The following DPYSL2 variants were observed in gnomAD, a reference collection of about 807,000 sequenced individuals.
The protein encoded by DPYSL2 is dihydropyrimidinase-related protein 2.
In DPYSL2, 13 loss-of-function variants were observed where a neutral mutation model predicts 69.9. That is an observed-to-expected ratio of 0.19 (90% CI 0.12 to 0.30). DPYSL2 has a LOEUF of 0.30. Ranked by LOEUF, DPYSL2 falls within the 10% of genes least tolerant of loss-of-function variation. The pLI is 1.00. For missense variants in DPYSL2, 587 were observed against 918.9 expected (o/e 0.64, Z 4.67); for synonymous variants, 326 against 359.1 (o/e 0.91, Z 1.04).
chr8:26,628,891 G>C (rs1281496974), intron 7 of DPYSL2, among the ~76,000 whole-genome samples: 5 of 152,272 alleles, frequency 3.3e-5, no homozygotes, highest in South Asian at 4.1e-4. Flanking sequence ...CCCTGAGTTT[G>C]GGATGTGGTC....
rs568935762 is a variant in DPYSL2 at position 26,603,532 on chromosome 8, T to G, written c.628+19549T>G. Among the ~76,000 whole-genome samples, 171 of 152,356 alleles carry G rather than the reference T, an allele frequency of 1.1e-3. 2 individuals carry two copies. Among genetic ancestry groups the G allele is most frequent in the Non-Finnish European group, 2.2e-4 (15 of 68,028 alleles). ...ACAAATTTTACCACTCGAACTATTA[T>G]TAAGTGGGCAGTTCAGTGGCATTGT... is the stretch of plus-strand genomic sequence containing the variant. On this transcript the variant is annotated intron_variant, in intron 3 of 13. Transcript: ENST00000521913.
chr8:26,523,168 TA>T (rs760201455), intron 1 of DPYSL2, among the ~76,000 whole-genome samples: 23 of 149,442 alleles, frequency 1.5e-4, no homozygotes, highest in East Asian at 3.9e-4. Context: ...TATATATATA[TA>T]TTTTTAAATA....
In DPYSL2 at chr8:26,642,763, G is replaced by T. The variant is rs190250136; in HGVS notation, c.1127-676G>T. 6.6e-6 allele frequency: 1 copy of T among 152,358 alleles called. No individual in the cohort carries two copies. Among genetic ancestry groups the T allele is most frequent in the Admixed American group, 6.5e-5 (1 of 15,306 alleles). 9.4% of individuals were successfully genotyped at this position (152,358 alleles called of 1,614,324 possible). A position where few individuals can be genotyped will look rare whatever the true frequency, so the allele number is the denominator to read the frequency against. ...TTGGACATTGCATTAATATAGTTAG[G>T]CTAGGCTTCCAGAAACTCTGAAATC... On this transcript the variant is annotated intron_variant, in intron 8 of 13. Coordinates refer to ENST00000521913, the MANE Select transcript of DPYSL2 (RefSeq NM_001197293.3). This position sits in a 1 kb window ranked among gnomAD's most constrained non-coding sequence, Gnocchi z 5.3.
rs754412481 is a variant in DPYSL2, at chr8:26,652,246, C to A, written c.1597-11C>A. The A allele has an allele frequency of 3.1e-6, 5 of 1,608,672 alleles. No homozygotes were observed. In the African/African-American group the frequency reaches 4.0e-5, roughly 13 times the overall value. ...TGGCCTGTTCTAGAGTTTACTTTGC[C>A]TTCTTCTCAGTCTCTCGAGTACAAC... On this transcript the variant is annotated splice_polypyrimidine_tract_variant and intron_variant, in intron 11 of 13. Coordinates refer to ENST00000521913, the MANE Select transcript of DPYSL2 (RefSeq NM_001197293.3). This position sits in a 1 kb window ranked among gnomAD's most constrained non-coding sequence, Gnocchi z 6.3.
intron 1 of DPYSL2, among the ~76,000 whole-genome samples, chr8:26,536,823 G>T (rs1388325109): frequency 6.6e-6 from 1 of 152,134 alleles, no homozygotes. Context: ...AGAGACATTT[G>T]CAAATTATAG....
In DPYSL2 at chr8:26,592,476, G is replaced by T. The variant is rs73226173; in HGVS notation, c.628+8493G>T. 2.0e-3 allele frequency among the ~76,000 whole-genome samples: 264 copies of T among 132,798 alleles called. 1 individual carries two copies. Among genetic ancestry groups the T allele is most frequent in the Middle Eastern group, 4.0e-3 (1 of 250 alleles). 87.1% of individuals were successfully genotyped at this position (132,798 alleles called of 152,430 possible). ...TTGGTACATTAGTTTTTTTTTTTTT[G>T]TTTTTTTTTTTTTATTAAGACGGAG... On this transcript the variant is annotated intron_variant, in intron 3 of 13. Coordinates refer to ENST00000521913, the MANE Select transcript of DPYSL2 (RefSeq NM_001197293.3).
chr8:26,644,047 A>C lies in DPYSL2; in HGVS notation c.1381A>C (p.Asn461His). 6.2e-7 allele frequency: 1 copy of C among 1,614,258 alleles called. No homozygotes were observed. Among genetic ancestry groups the C allele is most frequent in the Non-Finnish European group, 8.5e-7 (1 of 1,180,040 alleles). Residue 461 changes from asparagine to histidine, a missense_variant, in exon 10 of 14, where the codon AAT (asparagine) becomes CAT (histidine). Asn to His is a moderately conservative substitution (Grantham distance 68). Transcript: ENST00000521913. This position sits in a 1 kb window ranked among gnomAD's most constrained non-coding sequence, Gnocchi z 4.5. ...DNFTLIPEGT[N>H]GTEERMSVIW... is the part of the protein sequence containing the mutation. ...CTTCACCCTGATTCCGGAGGGCACC[A>C]ATGGCACTGAGGAGCGGATGTCCGT...
In DPYSL2 at chr8:26,514,211, G is replaced by A. The variant is rs910190347; in HGVS notation, c.-115G>A. On this transcript the variant is annotated 5_prime_UTR_variant, in exon 1 of 14. Transcript: ENST00000521913. The surrounding 1 kb of genome is among the most constrained non-coding windows in gnomAD (Gnocchi z 8.4). ...CTTCCTTTCTGTGCACCTTGCGGTG[G>A]GCGGCGAACGGCAGCCGCGGCAGCA... is the stretch of plus-strand genomic sequence containing the variant. The A allele has an allele frequency of 3.2e-6, 3 of 941,036 alleles. No homozygotes were observed. The African/African-American group carries it at 5.3e-5, about 16-fold the overall frequency. The allele number at this position is 941,036 out of a possible 1,614,324, so 58.3% of individuals were successfully genotyped here.
At position 26,614,098 on chromosome 8, in the gene DPYSL2, C is replaced by T. The variant is rs762434120; in HGVS notation, c.629-10045C>T. Among the ~76,000 whole-genome samples the T allele has an allele frequency of 6.6e-5, 10 of 152,012 alleles. No individual in the cohort carries two copies. The highest frequency in any genetic ancestry group is 5.8e-4 in the East Asian group (3 of 5,194). On this transcript the variant is annotated intron_variant, in intron 3 of 13. Coordinates refer to ENST00000521913, the MANE Select transcript of DPYSL2 (RefSeq NM_001197293.3). The surrounding 1 kb of genome is among the most constrained non-coding windows in gnomAD (Gnocchi z 4.9). ...TCAGCCAGATTGCACCACAGCATTCCGGCTTGGGTGACAGAACCAGACCCT... is the reference window on the plus strand; with the variant it reads ...TCAGCCAGATTGCACCACAGCATTCTGGCTTGGGTGACAGAACCAGACCCT...
At chr8:26,549,923 C>G (rs1447185573) in intron 1 of DPYSL2, among the ~76,000 whole-genome samples, 1 of 151,826 alleles carries the variant, frequency 6.6e-6, no homozygotes, top group Non-Finnish European at 1.5e-5. Flanking sequence ...AAAAAATCTT[C>G]AGAGAGAAGG....
Position 26,559,960 on chromosome 8 carries a change from C to T in DPYSL2, c.355-22009C>T, listed in dbSNP as rs550866466. 4.6e-5 allele frequency among the ~76,000 whole-genome samples: 7 copies of T among 152,326 alleles called. No homozygotes were observed. The East Asian group carries it at 1.3e-3, about 29-fold the overall frequency. On this transcript the variant is annotated intron_variant, in intron 1 of 13. Coordinates refer to ENST00000521913, the MANE Select transcript of DPYSL2 (RefSeq NM_001197293.3). ...TGCTCATTCCTAAACTCATCAACCA[C>T]ACCTGGAGACCACGTTCCCATCTCA...
chr8:26,619,975 A>T lies in DPYSL2; in HGVS notation c.629-4168A>T, dbSNP rs532754265. On this transcript the variant is annotated intron_variant, in intron 3 of 13. Coordinates refer to ENST00000521913, the MANE Select transcript of DPYSL2 (RefSeq NM_001197293.3). The surrounding 1 kb of genome is among the most constrained non-coding windows in gnomAD (Gnocchi z 4.8). ...ATGTGGAGTCATGGTTCCAGTCACC[A>T]GCCTGAAGTTGTCCTTGTCTGTCAC... The T allele has an allele frequency of 6.6e-6, 1 of 152,430 alleles. No individual in the cohort carries two copies. The highest frequency in any genetic ancestry group is 2.4e-5 in the African/African-American group (1 of 41,582). 9.4% of individuals were successfully genotyped at this position (152,430 alleles called of 1,614,324 possible).
intron 1 of DPYSL2, chr8:26,547,935 G>C: frequency 3.9e-6 from 1 of 259,280 alleles, no homozygotes; most frequent in Non-Finnish European, 8.0e-6. Context: ...CAAGGATGAT[G>C]AGTTGGAAAC....
chr8:26,636,374 A>T (rs117120640), intron 8 of DPYSL2, among the ~76,000 whole-genome samples: 4 of 152,212 alleles, frequency 2.6e-5, no homozygotes, highest in Non-Finnish European at 5.9e-5. Flanking sequence ...GATGGTTGGC[A>T]TAGTGTCTGA....
chr8:26,526,439 C>G (rs1218198029), intron 1 of DPYSL2, among the ~76,000 whole-genome samples: 3 of 152,198 alleles, frequency 2.0e-5, no homozygotes, highest in African/African-American at 7.2e-5. Context: ...TGAACTCACT[C>G]TTGGTTCTAA....
intron 3 of DPYSL2, among the ~76,000 whole-genome samples, chr8:26,601,260 G>A (rs1367463441): frequency 1.3e-5 from 2 of 152,142 alleles, no homozygotes; most frequent in African/African-American, 4.8e-5. Flanking sequence ...AGAGGCTGAG[G>A]GACTTACCCA....
intron 3 of DPYSL2, among the ~76,000 whole-genome samples, chr8:26,596,270 C>T (rs1179971391): frequency 6.6e-6 from 1 of 152,186 alleles, no homozygotes; most frequent in Non-Finnish European, 1.5e-5. Flanking sequence ...TTAGATGGGG[C>T]TTCAGCCCTC....
chr8:26,643,845 C>A lies in DPYSL2; in HGVS notation c.1284-105C>A. The A allele has an allele frequency of 6.9e-7, 1 of 1,443,048 alleles. No homozygotes were observed. Among genetic ancestry groups the A allele is most frequent in the Non-Finnish European group, 9.3e-7 (1 of 1,072,758 alleles). 89.4% of individuals were successfully genotyped at this position (1,443,048 alleles called of 1,614,324 possible). A position where few individuals can be genotyped will look rare whatever the true frequency, so the allele number is the denominator to read the frequency against. On this transcript the variant is annotated intron_variant, in intron 9 of 13. Coordinates refer to ENST00000521913, the MANE Select transcript of DPYSL2 (RefSeq NM_001197293.3). The surrounding 1 kb of genome is among the most constrained non-coding windows in gnomAD (Gnocchi z 6.5). ...GGGAGAGGAGGCGTCAAAAGGACTCCACTTGGGTTGGTGTGATGCCATTCA... is the reference window on the plus strand; with the variant it reads ...GGGAGAGGAGGCGTCAAAAGGACTCAACTTGGGTTGGTGTGATGCCATTCA...
Position 26,514,511 on chromosome 8 carries a change from G to T in DPYSL2, c.186G>T (p.Gly62=). 1 of 1,529,592 alleles carries T rather than the reference G, an allele frequency of 6.5e-7. No individual in the cohort carries two copies. The highest frequency in any genetic ancestry group is 1.2e-5 in the South Asian group (1 of 82,652). 94.8% of individuals were successfully genotyped at this position (1,529,592 alleles called of 1,614,324 possible). A position where few individuals can be genotyped will look rare whatever the true frequency, so the allele number is the denominator to read the frequency against. The change falls in exon 1 of 14, where the codon GGG becomes GGT. Residue 62 remains glycine (G), a synonymous_variant. Transcript: ENST00000521913. The surrounding 1 kb of genome is among the most constrained non-coding windows in gnomAD (Gnocchi z 8.4). ...CGCTGTCGGTGGGCCGGGGCTCGGG[G>T]CAGGTGGTGGCTCAGCAGCGGGACG... ...FDSLSVGRGS[G]QVVAQQRDVA...
Sources: allele counts gnomAD v4.1 joint callset (sites outside exome capture counted in the v4.1 genomes callset), GRCh38; gene constraint gnomAD v4.1.1; non-coding constraint Gnocchi (gnomAD v3.1); transcripts MANE v1.5; gene names NCBI Gene and HGNC (gene_info 2026-07-23, HGNC 2026-07-21).